CRTC1: variants seen among roughly 807,000 people sequenced by gnomAD.
The protein encoded by CRTC1 is CREB regulated transcription coactivator 1.
CRTC1 carries 18 observed loss-of-function variants against 66.1 expected under a neutral mutation model. The observed-to-expected ratio is 0.27, with a 90% CI of 0.19 to 0.40. The LOEUF (loss-of-function observed/expected upper bound fraction) is 0.40, where lower values mean the gene tolerates loss of function less well. Ranked by LOEUF, CRTC1 falls within the 10% of genes least tolerant of loss-of-function variation. CRTC1 has a pLI of 1.00. For synonymous variants in CRTC1, 416 were observed against 398.8 expected, an observed-to-expected ratio of 1.04 and a Z score of -0.51; for missense variants, 669 against 887.9, an observed-to-expected ratio of 0.75 and a Z score of 3.13.
chr19:18,734,029 C>G (rs1218293920), intron 1 of CRTC1, among the ~76,000 whole-genome samples: 2 of 151,950 alleles, frequency 1.3e-5, no homozygotes, highest in Non-Finnish European at 2.9e-5. Flanking sequence ...TTGACCCCGG[C>G]AGGTGGAGGT....
chr19:18,702,033 C>A (rs113534523), intron 1 of CRTC1, among the ~76,000 whole-genome samples: 3 of 150,774 alleles, frequency 2.0e-5, no homozygotes, highest in Admixed American at 6.6e-5. Flanking sequence ...AAGCAATTCT[C>A]CTGTCTCAGC....
chr19:18,729,183 T>C (rs1057308015), intron 1 of CRTC1, among the ~76,000 whole-genome samples: 20 of 146,364 alleles, frequency 1.4e-4, no homozygotes, highest in Admixed American at 6.7e-4. Context: ...CCCAGCACTT[T>C]GGGAGGCCGA....
In CRTC1 at chr19:18,741,090, C is replaced by T. The variant is rs551503620; in HGVS notation, c.127-1820C>T. On this transcript the variant is annotated intron_variant, in intron 1 of 13. Coordinates refer to ENST00000321949, the MANE Select transcript of CRTC1 (RefSeq NM_015321.3). The surrounding 1 kb of genome is among the most constrained non-coding windows in gnomAD (Gnocchi z 4.2). ...CACTCCTGGCCCAGGGGCTGTGCTC[C>T]GAAGCCTGAGTGCCTCCAGCAAAGT... is the stretch of plus-strand genomic sequence containing the variant. Among the ~76,000 whole-genome samples, 15 of 152,310 alleles carry T rather than the reference C, an allele frequency of 9.8e-5. No homozygotes were observed. The South Asian group carries it at 1.5e-3, about 15-fold the overall frequency.
chr19:18,768,430 G>T lies in CRTC1; in HGVS notation c.1012-55G>T. 6.6e-7 allele frequency: 1 copy of T among 1,504,500 alleles called. No homozygotes were observed. Among genetic ancestry groups the T allele is most frequent in the Non-Finnish European group, 9.1e-7 (1 of 1,100,156 alleles). 93.2% of individuals were successfully genotyped at this position (1,504,500 alleles called of 1,614,324 possible). A position where few individuals can be genotyped will look rare whatever the true frequency, so the allele number is the denominator to read the frequency against. ...CATGCCAGGCTATGGGGGCCCGAGG[G>T]GGCCAGGCGCTGACAACCAGGGCCC... On this transcript the variant is annotated intron_variant, in intron 9 of 13. Coordinates refer to ENST00000321949, the MANE Select transcript of CRTC1 (RefSeq NM_015321.3). The surrounding 1 kb of genome is among the most constrained non-coding windows in gnomAD (Gnocchi z 5.6).
intron 2 of CRTC1, 143 bp from the exon 3 acceptor site, chr19:18,745,680 C>T: frequency 3.8e-6 from 4 of 1,052,550 alleles, no homozygotes; most frequent in Non-Finnish European, 5.7e-6. Flanking sequence ...AAGGAAGAAG[C>T]CCATCCCAGG....
intron 2 of CRTC1, among the ~76,000 whole-genome samples, chr19:18,744,646 G>T (rs2054190698): frequency 1.3e-5 from 2 of 152,172 alleles, no homozygotes; most frequent in Admixed American, 1.3e-4. Context: ...GGGCTTCAAG[G>T]CATCTCTGGA....
At chr19:18,733,215 G>C (rs1279938857) in intron 1 of CRTC1, among the ~76,000 whole-genome samples, 1 of 152,198 alleles carries the variant, frequency 6.6e-6, no homozygotes, top group Non-Finnish European at 1.5e-5. Flanking sequence ...GGGTACAGCT[G>C]TGTCTCCCTG....
In CRTC1 at chr19:18,747,129, A is replaced by ACACCCCCCC; in HGVS notation, c.443+16_443+17insACCCCCCCC. 1 of 1,106,730 alleles carries ACACCCCCCC rather than the reference A, an allele frequency of 9.0e-7. No individual in the cohort carries two copies. The highest frequency in any genetic ancestry group is 1.4e-5 in the South Asian group (1 of 69,356). 68.6% of individuals were successfully genotyped at this position (1,106,730 alleles called of 1,614,324 possible). A position where few individuals can be genotyped will look rare whatever the true frequency, so the allele number is the denominator to read the frequency against. On this transcript the variant is annotated intron_variant, in intron 4 of 13. Coordinates refer to ENST00000321949, the MANE Select transcript of CRTC1 (RefSeq NM_015321.3). ...AGCTGGAGAAGGTCAGTGGCTGGAC[A>ACACCCCCCC]CCCCCCCCCCGCCCCCTTCTTGTTG...
chr19:18,707,022 C>T (rs2053282815), intron 1 of CRTC1, among the ~76,000 whole-genome samples: 1 of 152,130 alleles, frequency 6.6e-6, no homozygotes, highest in Admixed American at 6.5e-5. Context: ...TCTTTTGATG[C>T]ACAAGTGTTT....
At position 18,741,066 on chromosome 19, in the gene CRTC1, A is replaced by G. The variant is rs1480054645; in HGVS notation, c.127-1844A>G. Among the ~76,000 whole-genome samples the G allele has an allele frequency of 6.6e-6, 1 of 152,028 alleles. No homozygotes were observed. The highest frequency in any genetic ancestry group is 1.5e-5 in the Non-Finnish European group (1 of 67,998). On this transcript the variant is annotated intron_variant, in intron 1 of 13. Coordinates refer to ENST00000321949, the MANE Select transcript of CRTC1 (RefSeq NM_015321.3). The surrounding 1 kb of genome is among the most constrained non-coding windows in gnomAD (Gnocchi z 4.2). ...AAAGCAGAGTCCCCACTCAGTGTCCACTCCTGGCCCAGGGGCTGTGCTCCG... is the reference window on the plus strand; with the variant it reads ...AAAGCAGAGTCCCCACTCAGTGTCCGCTCCTGGCCCAGGGGCTGTGCTCCG...
At chr19:18,695,344 A>G (rs145689566) in intron 1 of CRTC1, among the ~76,000 whole-genome samples, 79 of 152,224 alleles carry the variant, frequency 5.2e-4, no homozygotes, top group African/African-American at 1.9e-3. Flanking sequence ...GTAAAATGCC[A>G]TATGGACAGC....
intron 1 of CRTC1, among the ~76,000 whole-genome samples, chr19:18,698,641 G>T (rs577301877): frequency 6.6e-5 from 10 of 151,458 alleles, no homozygotes; most frequent in African/African-American, 2.4e-4. Context: ...GTGCTCAGCA[G>T]ATGCGCAGTG....
At chr19:18,694,455 C>T (rs1021290202) in intron 1 of CRTC1, among the ~76,000 whole-genome samples, 3 of 152,072 alleles carry the variant, frequency 2.0e-5, no homozygotes, top group Non-Finnish European at 2.9e-5. Flanking sequence ...TTTTTTGTGG[C>T]TGCTTTTGTG....
chr19:18,755,456 A>C lies in CRTC1; in HGVS notation c.624+1871A>C, dbSNP rs114615906. ...GTATTTTTTGTTTTTTTGAGGCAGG[A>C]TCTTGCTCTGTTGCCCATGCTGGAG... On this transcript the variant is annotated intron_variant, in intron 6 of 13. Transcript: ENST00000321949. Among the ~76,000 whole-genome samples the C allele has an allele frequency of 4.6e-3, 682 of 147,034 alleles. 11 individuals are homozygous for C. Among genetic ancestry groups the C allele is most frequent in the African/African-American group, 0.016 (643 of 39,810 alleles).
intron 1 of CRTC1, among the ~76,000 whole-genome samples, chr19:18,721,803 A>G (rs1253010800): frequency 6.6e-6 from 1 of 152,178 alleles, no homozygotes; most frequent in Admixed American, 6.5e-5. Context: ...CTCGACCTGC[A>G]AAGACTCTCT....
At position 18,771,586 on chromosome 19, in the gene CRTC1, G is replaced by A. The variant is rs373494237; in HGVS notation, c.1425+40G>A. 50 of 1,501,662 alleles carry A rather than the reference G, an allele frequency of 3.3e-5. No individual in the cohort carries two copies. Among genetic ancestry groups the A allele is most frequent in the South Asian group, 7.0e-5 (6 of 85,912 alleles). The allele number at this position is 1,501,662 out of a possible 1,614,324, so 93.0% of individuals were successfully genotyped here. A position where few individuals can be genotyped will look rare whatever the true frequency, so the allele number is the denominator to read the frequency against. Reference sequence around the variant, plus strand: ...CTCCCCCTTGGCCTGTGGGCTCCACGCTTGTCTTGTTCATGCCCCGTGTGT... The same window carrying A: ...CTCCCCCTTGGCCTGTGGGCTCCACACTTGTCTTGTTCATGCCCCGTGTGT... On this transcript the variant is annotated intron_variant, in intron 11 of 13. Coordinates refer to ENST00000321949, the MANE Select transcript of CRTC1 (RefSeq NM_015321.3). The surrounding 1 kb of genome is among the most constrained non-coding windows in gnomAD (Gnocchi z 4.6).
intron 1 of CRTC1, among the ~76,000 whole-genome samples, chr19:18,686,490 T>C (rs2052686751): frequency 6.6e-6 from 1 of 152,036 alleles, no homozygotes; most frequent in South Asian, 2.1e-4. Context: ...CCACTAAAAA[T>C]ACAAAAATTA....
intron 1 of CRTC1, among the ~76,000 whole-genome samples, chr19:18,687,050 C>T (rs1356391022): frequency 1.5e-5 from 2 of 130,962 alleles, no homozygotes; most frequent in African/African-American, 6.0e-5. Context: ...GACTCTTGCT[C>T]TGTTGCCCAG....
In CRTC1 at chr19:18,749,807, A is replaced by G; in HGVS notation, c.470A>G (p.Gln157Arg). Reference protein sequence around the residue: ...RRTNSDSALHQSTMTPTQPES... With the variant: ...RRTNSDSALHRSTMTPTQPES... Reference sequence around the variant, plus strand: ...ACCAATTCTGACTCCGCCCTGCACCAGAGCACAATGACGCCCACGCAGCCA... The same window carrying G: ...ACCAATTCTGACTCCGCCCTGCACCGGAGCACAATGACGCCCACGCAGCCA... Residue 157 changes from glutamine to arginine, a missense_variant, in exon 5 of 14, where the codon CAG becomes CGG. Physicochemically the swap from Gln to Arg is conservative, Grantham distance 43 (BLOSUM62 1). Around this residue, in one of 8 missense-constraint regions of CRTC1, gnomAD observed 214 missense variants for 323.4 expected, o/e 0.66. Transcript: ENST00000321949. 1 of 1,614,108 alleles carries G rather than the reference A, an allele frequency of 6.2e-7. No individual in the cohort carries two copies. The highest frequency in any genetic ancestry group is 8.5e-7 in the Non-Finnish European group (1 of 1,179,980).
Sources: gnomAD v4.1 joint callset for allele counts (sites outside exome capture counted in the v4.1 genomes callset) on GRCh38, gnomAD v4.1.1 for gene constraint, gnomAD v4.1.1 regional missense constraint, Gnocchi (gnomAD v3.1) non-coding constraint, MANE v1.5 for transcripts, NCBI Gene and HGNC (gene_info 2026-07-23, HGNC 2026-07-21) for gene names.